RRM2: variants seen among roughly 807,000 people sequenced by gnomAD.
RRM2 encodes ribonucleotide reductase regulatory subunit M2.
RRM2 carries 6 observed loss-of-function variants against 45.9 expected under a neutral mutation model. The ratio of observed to expected loss-of-function variants is 0.13; its 90% CI spans 0.07 to 0.26. The LOEUF is 0.26. Among genes scored for constraint, RRM2 ranks in the 10% least tolerant of loss-of-function variants. The pLI, the probability that RRM2 is intolerant of heterozygous loss-of-function variation, is 1.00. For synonymous variants in RRM2, 177 were observed against 173.0 expected, an observed-to-expected ratio of 1.02 and a Z score of -0.18; for missense variants, 343 against 489.5, an observed-to-expected ratio of 0.70 and a Z score of 2.82.
In RRM2 at chr2:10,127,148, G is replaced by A. The variant is rs994587450; in HGVS notation, c.726G>A (p.Ser242=). 18 of 1,613,930 alleles carry A rather than the reference G, an allele frequency of 1.1e-5. No homozygotes were observed. Among genetic ancestry groups the A allele is most frequent in the African/African-American group, 5.3e-5 (4 of 74,870 alleles). Residue 242 remains serine (S), a synonymous_variant, in exon 7 of 10, where the codon TCG becomes TCA. Coordinates refer to ENST00000304567, the MANE Select transcript of RRM2 (RefSeq NM_001034.4). The surrounding 1 kb of genome is among the most constrained non-coding windows in gnomAD (Gnocchi z 4.1). ...EGIFFSGSFA[S]IFWLKKRGLM... ...TTTTCTTTTCCGGTTCTTTTGCGTC[G>A]ATATTCTGGCTCAAGAAACGAGGAC... is the stretch of plus-strand genomic sequence containing the variant.
At chr2:10,138,248 A>G (rs565988652), upstream of RRM2, among the ~76,000 whole-genome samples, 22 of 150,828 alleles carry the variant, frequency 1.5e-4, no homozygotes, top group South Asian at 1.1e-3. Flanking sequence ...GCTCACCACA[A>G]TCTCTGCCTC....
intron 3 of RRM2, among the ~76,000 whole-genome samples, chr2:10,168,014 T>C (rs1274783797): frequency 1.3e-5 from 2 of 149,356 alleles, no homozygotes; most frequent in Non-Finnish European, 3.0e-5. Flanking sequence ...AGATCAACAG[T>C]AGAAAAGACA....
upstream of RRM2, among the ~76,000 whole-genome samples, chr2:10,140,283 C>T (rs948362248): frequency 6.6e-5 from 10 of 152,078 alleles, no homozygotes; most frequent in Non-Finnish European, 1.5e-4. Flanking sequence ...AAGAACATTT[C>T]GTGTTGCATG....
chr2:10,138,717 T>C (rs772606217), upstream of RRM2, among the ~76,000 whole-genome samples: 5 of 152,220 alleles, frequency 3.3e-5, no homozygotes, highest in African/African-American at 4.8e-5. Context: ...TGAACTAGGA[T>C]TTGTAATCCA....
intron 3 of RRM2, among the ~76,000 whole-genome samples, chr2:10,199,797 A>C (rs1186099752): frequency 1.3e-5 from 2 of 149,406 alleles, no homozygotes; most frequent in Non-Finnish European, 3.0e-5. Context: ...AAAAAAAAAA[A>C]AAAAAAAAAA....
At position 10,127,281 on chromosome 2, in the gene RRM2, G is replaced by A; in HGVS notation, c.798+61G>A. The A allele has an allele frequency of 6.4e-7, 1 of 1,565,418 alleles. No homozygotes were observed. The highest frequency in any genetic ancestry group is 8.7e-7 in the Non-Finnish European group (1 of 1,149,104). ...CCAAACACAACTCGGGCATGCTCTT[G>A]TGTTCACTGACGGGGACCTGAGATG... On this transcript the variant is annotated intron_variant, in intron 7 of 9. Coordinates refer to ENST00000304567, the MANE Select transcript of RRM2 (RefSeq NM_001034.4). This position sits in a 1 kb window ranked among gnomAD's most constrained non-coding sequence, Gnocchi z 4.1.
At chr2:10,210,275 G>T in intron 3 of RRM2, 2 of 1,335,834 alleles carry the variant, frequency 1.5e-6, no homozygotes, top group African/African-American at 3.0e-5. Flanking sequence ...GATGATCTTG[G>T]TTCAGTTACC....
chr2:10,122,656 G>T, upstream of RRM2: 1 of 1,548,334 alleles, frequency 6.5e-7, no homozygotes, highest in Non-Finnish European at 8.7e-7. Context: ...CCAATGGGAA[G>T]GGCCGGGGCA....
intron 3 of RRM2, among the ~76,000 whole-genome samples, chr2:10,202,477 C>T (rs570156609): frequency 1.3e-5 from 2 of 152,258 alleles, no homozygotes; most frequent in East Asian, 1.9e-4. Context: ...AGCTTCTGGC[C>T]GATTTCTCTC....
At chr2:10,187,341 C>T (rs903457049) in intron 3 of RRM2, among the ~76,000 whole-genome samples, 8 of 152,354 alleles carry the variant, frequency 5.3e-5, no homozygotes, top group South Asian at 2.1e-4. Context: ...ACCTCTGCCA[C>T]GGTGCCGCAG....
intron 3 of RRM2, among the ~76,000 whole-genome samples, chr2:10,182,213 C>A (rs751372521): frequency 5.2e-4 from 79 of 152,182 alleles, no homozygotes; most frequent in Non-Finnish European, 1.0e-3. Context: ...TGGTACATGT[C>A]TGTAATCCCA....
chr2:10,210,411 G>A, exon 4 of RRM2: 1 of 1,367,866 alleles, frequency 7.3e-7, no homozygotes, highest in Non-Finnish European at 9.8e-7. Flanking sequence ...AAGACACCCA[G>A]AGTCCCTTCC....
intron 3 of RRM2, among the ~76,000 whole-genome samples, chr2:10,154,427 C>T (rs13420725): frequency 0.6 from 63,521 of 106,300 alleles, 18,818 homozygotes; most frequent in Middle Eastern, 0.7. Flanking sequence ...GGGGGGTGGG[C>T]GCACAGAGGT....
At chr2:10,126,731 C>A in intron 5 of RRM2, 144 bp from the exon 6 acceptor site, 1 of 673,382 alleles carries the variant, frequency 1.5e-6, no homozygotes. Flanking sequence ...AAAAATAAAA[C>A]ATTTCGGTGT....
intron 3 of RRM2, among the ~76,000 whole-genome samples, chr2:10,200,441 A>C (rs1260802140): frequency 1.4e-5 from 2 of 139,200 alleles, no homozygotes; most frequent in African/African-American, 5.4e-5. Context: ...GCGCGCGCAA[A>C]ATATGAGGCC....
At chr2:10,176,920 G>A (rs1260160314) in intron 3 of RRM2, among the ~76,000 whole-genome samples, 1 of 152,102 alleles carries the variant, frequency 6.6e-6, no homozygotes, top group South Asian at 2.1e-4. Flanking sequence ...CACTTTAGTA[G>A]ATATTAGGTG....
At chr2:10,123,985 C>T (rs886758048) in intron 4 of RRM2, 133 bp downstream of exon 4, 12 of 677,758 alleles carry the variant, frequency 1.8e-5, no homozygotes, top group Non-Finnish European at 2.9e-5. Context: ...TATTACATGG[C>T]ATTTCCTGTT....
chr2:10,210,275 G>A (rs1664734717), intron 3 of RRM2: 7 of 1,335,716 alleles, frequency 5.2e-6, no homozygotes, highest in African/African-American at 1.5e-5. Context: ...GATGATCTTG[G>A]TTCAGTTACC....
chr2:10,146,115 C>A (rs1663180762), intron 3 of RRM2: 1 of 152,292 alleles, frequency 6.6e-6, no homozygotes, highest in Admixed American at 6.5e-5. Flanking sequence ...TACAATCACC[C>A]ATCCCTAGCC....
Sources: allele counts gnomAD v4.1 joint callset (sites outside exome capture counted in the v4.1 genomes callset), GRCh38; gene constraint gnomAD v4.1.1; non-coding constraint Gnocchi (gnomAD v3.1); transcripts MANE v1.5; gene names NCBI Gene and HGNC (gene_info 2026-07-23, HGNC 2026-07-21).